The following PUS7 variants were observed in gnomAD, a reference collection of about 807,000 sequenced individuals.
The protein encoded by PUS7 is pseudouridylate synthase 7 homolog.
A neutral mutation model predicts 79.8 loss-of-function variants in PUS7; 48 were observed. The ratio of observed to expected loss-of-function variants is 0.60; its 90% CI spans 0.48 to 0.76. The LOEUF (loss-of-function observed/expected upper bound fraction) is 0.76. PUS7 is among the 30% of genes least tolerant of loss of function. The pLI, the probability that PUS7 is intolerant of heterozygous loss-of-function variation, is 0.00. For synonymous variants in PUS7, 286 were observed against 272.2 expected (o/e 1.05, Z -0.50); for missense variants, 729 against 797.6 (o/e 0.91, Z 1.04).
intron 1 of PUS7, among the ~76,000 whole-genome samples, chr7:105,521,365 C>A (rs1289642739): frequency 6.6e-6 from 1 of 152,204 alleles, no homozygotes; most frequent in East Asian, 1.9e-4. Context: ...TGCTTCTAAA[C>A]ACCTCTGCGC....
At chr7:105,514,986 G>C (rs1192589661) in intron 1 of PUS7, among the ~76,000 whole-genome samples, 3 of 152,092 alleles carry the variant, frequency 2.0e-5, no homozygotes, top group Non-Finnish European at 4.4e-5. Context: ...AGTTGAGACT[G>C]GGTTACACTG....
At chr7:105,475,464 C>T (rs946953246) in intron 9 of PUS7, among the ~76,000 whole-genome samples, 49 of 151,404 alleles carry the variant, frequency 3.2e-4, no homozygotes, top group African/African-American at 7.8e-4. Flanking sequence ...GGATTACAGG[C>T]GTCAGCCACC....
rs190165839 is a variant in PUS7, at chr7:105,468,318, A to G, written c.1525+19T>C. 529 of 1,606,836 alleles carry G rather than the reference A, an allele frequency of 3.3e-4. No individual in the cohort carries two copies. Among genetic ancestry groups the G allele is most frequent in the Non-Finnish European group, 7.0e-5 (83 of 1,177,870 alleles). ...TGAACCCTAGCTTAGCTGAGTAACA[A>G]AGACATCTGCCTTTTTACCTCCTTT... On this transcript the variant is annotated intron_variant, in intron 12 of 15. Transcript: ENST00000469408.
Position 105,472,131 on chromosome 7 carries a change from C to T in PUS7, c.1237+1G>A, listed in dbSNP as rs1306003179. ...TTTCTTAACATGAATTTTATTCTCACCTCCAGAGCGGGGTTTCAATATTAA... is the reference window on the plus strand; with the variant it reads ...TTTCTTAACATGAATTTTATTCTCATCTCCAGAGCGGGGTTTCAATATTAA... On this transcript the variant is annotated splice_donor_variant, in intron 10 of 15. Coordinates refer to ENST00000469408, the MANE Select transcript of PUS7 (RefSeq NM_019042.5). LOFTEE classifies it high-confidence loss of function. 6.3e-7 allele frequency: 1 copy of T among 1,590,740 alleles called. No individual in the cohort carries two copies. The highest frequency in any genetic ancestry group is 8.6e-7 in the Non-Finnish European group (1 of 1,161,348).
chr7:105,473,225 G>A (rs543184017), intron 9 of PUS7, among the ~76,000 whole-genome samples: 2 of 152,118 alleles, frequency 1.3e-5, no homozygotes, highest in South Asian at 4.2e-4. Context: ...CTACATATTT[G>A]ATGATTATAA....
chr7:105,496,844 C>T (rs1262966278), intron 5 of PUS7: 3 of 528,190 alleles, frequency 5.7e-6, no homozygotes, highest in Non-Finnish European at 7.6e-6. Context: ...ATATCATTTT[C>T]GGTTTTCCTT....
intron 1 of PUS7, among the ~76,000 whole-genome samples, chr7:105,509,898 G>A (rs1227863518): frequency 1.3e-5 from 2 of 152,194 alleles, no homozygotes; most frequent in African/African-American, 4.8e-5. Context: ...AGAGGGTCTA[G>A]AAGTGGTGGC....
chr7:105,506,772 T>C (rs1586170461), intron 2 of PUS7, among the ~76,000 whole-genome samples: 1 of 152,134 alleles, frequency 6.6e-6, no homozygotes, highest in Non-Finnish European at 1.5e-5. Flanking sequence ...TCAAGTTTTA[T>C]ATGAGAACTT....
At chr7:105,481,430 G>C (rs1824315697) in intron 8 of PUS7, among the ~76,000 whole-genome samples, 1 of 152,142 alleles carries the variant, frequency 6.6e-6, no homozygotes, top group African/African-American at 2.4e-5. Flanking sequence ...GCAATTTTTT[G>C]AATTTTTGCA....
intron 5 of PUS7, among the ~76,000 whole-genome samples, chr7:105,497,713 A>C (rs1825092958): frequency 6.6e-6 from 1 of 152,238 alleles, no homozygotes; most frequent in Non-Finnish European, 1.5e-5. Flanking sequence ...CTCATCTGGC[A>C]AATAGATACT....
At chr7:105,507,276 C>T (rs532983052) in intron 2 of PUS7, among the ~76,000 whole-genome samples, 6 of 152,146 alleles carry the variant, frequency 3.9e-5, no homozygotes, top group Admixed American at 3.3e-4. Flanking sequence ...AAACTCCTGA[C>T]CTCAAGTGAT....
At chr7:105,508,627 C>T (rs539244670) in intron 1 of PUS7, 83 bp from the exon 2 acceptor site, 4 of 1,496,364 alleles carry the variant, frequency 2.7e-6, no homozygotes, top group East Asian at 4.6e-5. Flanking sequence ...CCTGTAATCC[C>T]AGCGTTTTGA....
chr7:105,513,861 T>A (rs1320958861), intron 1 of PUS7, among the ~76,000 whole-genome samples: 4 of 139,856 alleles, frequency 2.9e-5, no homozygotes, highest in African/African-American at 5.2e-5. Flanking sequence ...AAATAGTTAT[T>A]ATGGATGATT....
chr7:105,515,913 G>A (rs1301351855), intron 1 of PUS7, among the ~76,000 whole-genome samples: 5 of 151,662 alleles, frequency 3.3e-5, no homozygotes, highest in Non-Finnish European at 2.9e-5. Context: ...GGGTTCAAAC[G>A]ATTCTCCTGC....
intron 7 of PUS7, among the ~76,000 whole-genome samples, 168 bp downstream of exon 7, chr7:105,491,372 C>T (rs969707023): frequency 6.6e-6 from 1 of 152,106 alleles, no homozygotes; most frequent in Non-Finnish European, 1.5e-5. Context: ...ACAAATAATA[C>T]ACGTTTCATA....
At chr7:105,464,744 T>C (rs532560708) in intron 13 of PUS7, among the ~76,000 whole-genome samples, 21 of 152,042 alleles carry the variant, frequency 1.4e-4, no homozygotes, top group African/African-American at 4.1e-4. Flanking sequence ...CATTTGCAGA[T>C]GGCCTGTCGT....
At chr7:105,480,732 C>T (rs374409112) in intron 9 of PUS7, among the ~76,000 whole-genome samples, 8 of 152,100 alleles carry the variant, frequency 5.3e-5, no homozygotes, top group East Asian at 1.9e-4. Flanking sequence ...GCCGAGATTG[C>T]GCTATTGCAC....
chr7:105,508,004 T>C (rs1027908635), intron 2 of PUS7, 111 bp downstream of exon 2: 3 of 1,374,034 alleles, frequency 2.2e-6, no homozygotes, highest in Non-Finnish European at 2.9e-6. Context: ...TGATCAGTAG[T>C]ATAAACAAGC....
chr7:105,493,894 T>C (rs768974101), intron 6 of PUS7, among the ~76,000 whole-genome samples: 1 of 152,258 alleles, frequency 6.6e-6, no homozygotes, highest in Non-Finnish European at 1.5e-5. Context: ...CTGTGGTATT[T>C]TGTTATGGAA....
Sources: allele counts gnomAD v4.1 joint callset (sites outside exome capture counted in the v4.1 genomes callset), GRCh38; gene constraint gnomAD v4.1.1; transcripts MANE v1.5; gene names NCBI Gene and HGNC (gene_info 2026-07-23, HGNC 2026-07-21).